The following LRBA variants were observed in gnomAD, a reference collection of about 807,000 sequenced individuals.
The protein encoded by LRBA is lipopolysaccharide-responsive and beige-like anchor protein.
In LRBA, 176 loss-of-function variants were observed where a neutral mutation model predicts 330.0. The observed-to-expected ratio is 0.53, with a 90% CI of 0.47 to 0.60. The LOEUF (loss-of-function observed/expected upper bound fraction) is 0.60, where lower values mean the gene tolerates loss of function less well. Among genes scored for constraint, LRBA ranks in the 20% least tolerant of loss-of-function variants. The probability of loss-of-function intolerance (pLI) is 0.00; values close to 1 mark genes in which losing one functional copy is unlikely to be tolerated. For missense variants in LRBA, 3,259 were observed against 3,444.8 expected (o/e 0.95, Z 1.35); for synonymous variants, 1,230 against 1,193.0 (o/e 1.03, Z -0.64).
intron 36 of LRBA, among the ~76,000 whole-genome samples, chr4:150,686,944 T>C (rs923254066): frequency 6.6e-6 from 1 of 152,126 alleles, no homozygotes; most frequent in Non-Finnish European, 1.5e-5. Context: ...TAAAATGGTT[T>C]AAAGTGTTCT....
At chr4:150,990,099 G>A (rs1406438452) in intron 2 of LRBA, among the ~76,000 whole-genome samples, 1 of 151,846 alleles carries the variant, frequency 6.6e-6, no homozygotes, top group Non-Finnish European at 1.5e-5. Context: ...AAATAGAACT[G>A]TATTTAGAAA....
chr4:150,513,925 T>C (rs750913687), intron 40 of LRBA, among the ~76,000 whole-genome samples: 16 of 152,148 alleles, frequency 1.1e-4, no homozygotes, highest in Non-Finnish European at 2.4e-4. Context: ...GCGAGGGAAA[T>C]AGACACTAAC....
At chr4:150,283,497 G>A (rs1260165739) in intron 54 of LRBA, among the ~76,000 whole-genome samples, 1 of 152,156 alleles carries the variant, frequency 6.6e-6, no homozygotes. Context: ...TGGGGTATGC[G>A]CCCTGCTACT....
intron 4 of LRBA, among the ~76,000 whole-genome samples, chr4:150,925,949 G>A (rs1347950218): frequency 6.6e-6 from 1 of 152,112 alleles, no homozygotes; most frequent in East Asian, 1.9e-4. Context: ...TGCAGGAAGA[G>A]GTAGCTCAAG....
At chr4:150,727,927 A>G (rs1179888457) in intron 36 of LRBA, among the ~76,000 whole-genome samples, 1 of 152,166 alleles carries the variant, frequency 6.6e-6, no homozygotes, top group East Asian at 1.9e-4. Context: ...TTAAACAAAA[A>G]GTTGGCTTCT....
chr4:150,667,014 A>G (rs1299653837), intron 37 of LRBA, among the ~76,000 whole-genome samples: 1 of 152,142 alleles, frequency 6.6e-6, no homozygotes, highest in Non-Finnish European at 1.5e-5. Context: ...ACACCCAAAA[A>G]CCAAGTGCTC....
At chr4:150,670,183 T>C (rs1289725655) in intron 37 of LRBA, among the ~76,000 whole-genome samples, 1 of 152,220 alleles carries the variant, frequency 6.6e-6, no homozygotes, top group African/African-American at 2.4e-5. Context: ...TAAACTGTAT[T>C]GTATTGTACA....
At chr4:150,964,272 G>C (rs554983066) in intron 2 of LRBA, among the ~76,000 whole-genome samples, 1 of 148,092 alleles carries the variant, frequency 6.8e-6, no homozygotes, top group Non-Finnish European at 1.5e-5. Flanking sequence ...CAGCAGCCCC[G>C]TCTGGGAAGT....
chr4:150,515,754 G>C (rs182774822), intron 40 of LRBA, among the ~76,000 whole-genome samples: 4 of 151,968 alleles, frequency 2.6e-5, no homozygotes, highest in Non-Finnish European at 2.9e-5. Context: ...ATTAATATTT[G>C]TTCTCCATTT....
chr4:150,431,250 C>G (rs987144336), intron 46 of LRBA, among the ~76,000 whole-genome samples: 4 of 152,166 alleles, frequency 2.6e-5, no homozygotes, highest in African/African-American at 9.7e-5. Flanking sequence ...TGATAATTCT[C>G]CAACCCAATT....
intron 2 of LRBA, among the ~76,000 whole-genome samples, chr4:150,933,915 C>T (rs1176771032): frequency 2.0e-5 from 3 of 151,642 alleles, no homozygotes; most frequent in East Asian, 1.9e-4. Flanking sequence ...GTCCCAGCTG[C>T]TTGGAGGCTG....
chr4:150,916,473 C>T lies in LRBA; in HGVS notation c.822G>A (p.Leu274=). 1 of 1,613,766 alleles carries T rather than the reference C, an allele frequency of 6.2e-7. No individual in the cohort carries two copies. The highest frequency in any genetic ancestry group is 8.5e-7 in the Non-Finnish European group (1 of 1,179,842). The change falls in exon 7 of 57, where the codon TTG becomes TTA. Residue 274 remains leucine (L), a synonymous_variant. Coordinates refer to ENST00000651943, the MANE Select transcript of LRBA (RefSeq NM_001364905.1). ...GYSAHFVGGC[L]IVTSIKSKGK... ...CTTTTGACTTTATTGATGTTACAAT[C>T]AAACAGCCTCCAACAAAATGAGCAG...
At chr4:150,857,495 C>T (rs760649814) in intron 22 of LRBA, among the ~76,000 whole-genome samples, 2 of 152,144 alleles carry the variant, frequency 1.3e-5, no homozygotes, top group African/African-American at 2.4e-5. Flanking sequence ...CAGATGCTTT[C>T]ATGCAAATCT....
intron 47 of LRBA, among the ~76,000 whole-genome samples, chr4:150,369,674 C>A (rs1739975779): frequency 2.4e-5 from 1 of 41,626 alleles, no homozygotes; most frequent in Non-Finnish European, 9.8e-5. Flanking sequence ...AACTATCAAA[C>A]TTTTTGACAG....
At chr4:150,420,391 A>AAAGTATATATAATGCACATTATAG (rs1561150943) in intron 46 of LRBA, among the ~76,000 whole-genome samples, 6 of 38,868 alleles carry the variant, frequency 1.5e-4, no homozygotes, top group Admixed American at 6.7e-4. Context: ...ATTATAGTAT[A>AAAGTATATATAATGCACATTATAG]TATAAAGTAT....
intron 46 of LRBA, chr4:150,422,634 C>T (rs1748976160): frequency 1.6e-6 from 1 of 612,588 alleles, no homozygotes; most frequent in South Asian, 1.8e-5. Flanking sequence ...ATGAAGAGCA[C>T]CCTGAGTTCC....
intron 34 of LRBA, among the ~76,000 whole-genome samples, chr4:150,790,482 C>T (rs988505206): frequency 6.6e-6 from 1 of 152,038 alleles, no homozygotes; most frequent in Admixed American, 6.6e-5. Context: ...TACTTTACTC[C>T]GATTTATTTT....
chr4:150,310,099 C>T, intron 52 of LRBA, 130 bp downstream of exon 52: 1 of 608,506 alleles, frequency 1.6e-6, no homozygotes, highest in Admixed American at 2.7e-5. Flanking sequence ...AAAACAATGC[C>T]CTCTTCTCCC....
intron 40 of LRBA, among the ~76,000 whole-genome samples, chr4:150,499,206 C>T (rs958288684): frequency 7.9e-5 from 12 of 152,050 alleles, no homozygotes; most frequent in African/African-American, 2.9e-4. Flanking sequence ...ATATTTAGTT[C>T]TTCCTTACAT....
Sources: allele counts gnomAD v4.1 joint callset (sites outside exome capture counted in the v4.1 genomes callset), GRCh38; gene constraint gnomAD v4.1.1; transcripts MANE v1.5; gene names NCBI Gene and HGNC (gene_info 2026-07-23, HGNC 2026-07-21).